The following CNTN6 variants were observed in gnomAD, a reference collection of about 807,000 sequenced individuals.
CNTN6 encodes contactin-6.
In CNTN6, 137 loss-of-function variants were observed where a neutral mutation model predicts 122.8. The ratio of observed to expected loss-of-function variants is 1.12; its 90% CI spans 0.97 to 1.29. The LOEUF (loss-of-function observed/expected upper bound fraction) is 1.29. Among genes scored for constraint, CNTN6 ranks in the 50% most tolerant of loss-of-function variants. The pLI is 0.00. For synonymous variants in CNTN6, 570 were observed against 426.0 expected, an observed-to-expected ratio of 1.34 and a Z score of -4.16; for missense variants, 1,634 against 1,223.4, an observed-to-expected ratio of 1.34 and a Z score of -5.01.
At chr3:1,184,902 T>C (rs2093607562) in intron 2 of CNTN6, among the ~76,000 whole-genome samples, 1 of 152,064 alleles carries the variant, frequency 6.6e-6, no homozygotes, top group South Asian at 2.1e-4. Context: ...TATGAGGATA[T>C]AAAATTAATT....
At chr3:1,155,743 T>A (rs2092947704) in intron 2 of CNTN6, among the ~76,000 whole-genome samples, 2 of 152,186 alleles carry the variant, frequency 1.3e-5, no homozygotes, top group Non-Finnish European at 2.9e-5. Flanking sequence ...TGTATTTTTT[T>A]ATTCCTTTTT....
intron 2 of CNTN6, among the ~76,000 whole-genome samples, chr3:1,159,773 G>C (rs2093079066): frequency 6.6e-6 from 1 of 151,986 alleles, no homozygotes; most frequent in Non-Finnish European, 1.5e-5. Context: ...ATCCCACTTA[G>C]AAATTTAGAG....
intron 4 of CNTN6, among the ~76,000 whole-genome samples, chr3:1,268,379 G>A (rs943068438): frequency 1.3e-5 from 2 of 152,000 alleles, no homozygotes; most frequent in African/African-American, 2.4e-5. Flanking sequence ...AGGCCGAGGC[G>A]GGCGGATCAC....
intron 12 of CNTN6, among the ~76,000 whole-genome samples, chr3:1,356,497 A>G (rs1475454321): frequency 6.6e-6 from 1 of 151,808 alleles, no homozygotes; most frequent in African/African-American, 2.4e-5. Flanking sequence ...AATGCCCAAG[A>G]TATGTAGATA....
chr3:1,276,391 C>T (rs971719132), intron 4 of CNTN6, among the ~76,000 whole-genome samples: 1 of 152,150 alleles, frequency 6.6e-6, no homozygotes. Context: ...ACATGACTTT[C>T]TATGCATGTT....
intron 1 of CNTN6, among the ~76,000 whole-genome samples, chr3:1,100,416 C>T (rs1043061508): frequency 2.0e-5 from 3 of 152,056 alleles, no homozygotes; most frequent in Admixed American, 6.6e-5. Context: ...TTCGTCTTTT[C>T]ACTCGGACAG....
Position 1,214,274 on chromosome 3 carries a change from A to G in CNTN6, c.56-6413A>G, listed in dbSNP as rs192156558. 3.0e-3 allele frequency among the ~76,000 whole-genome samples: 440 copies of G among 144,470 alleles called. 1 individual carries two copies. The highest frequency in any genetic ancestry group is 0.011 in the Middle Eastern group (3 of 268). 94.8% of individuals were successfully genotyped at this position (144,470 alleles called of 152,430 possible). ...TTTATATTAGTTTTTTTAATGTTCA[A>G]ATTGTTCAAATGTGTTTGTTGGATG... On this transcript the variant is annotated intron_variant, in intron 2 of 22. Transcript: ENST00000446702.
intron 7 of CNTN6, among the ~76,000 whole-genome samples, chr3:1,304,190 C>A (rs1392610432): frequency 6.6e-6 from 1 of 152,276 alleles, no homozygotes; most frequent in African/African-American, 2.4e-5. Context: ...CATCTCTACA[C>A]AGAAAATAAG....
intron 11 of CNTN6, among the ~76,000 whole-genome samples, chr3:1,345,461 G>A (rs999799112): frequency 6.6e-6 from 1 of 152,030 alleles, no homozygotes; most frequent in Non-Finnish European, 1.5e-5. Context: ...ATGATGGAAA[G>A]GACAACCTTT....
chr3:1,211,628 C>G (rs1195317910), intron 2 of CNTN6, among the ~76,000 whole-genome samples: 1 of 152,228 alleles, frequency 6.6e-6, no homozygotes, highest in Non-Finnish European at 1.5e-5. Flanking sequence ...CTCATTCTCT[C>G]CATCATTCTG....
At chr3:1,205,928 G>GA (rs1482256323) in intron 2 of CNTN6, among the ~76,000 whole-genome samples, 3 of 152,006 alleles carry the variant, frequency 2.0e-5, no homozygotes, top group Non-Finnish European at 2.9e-5. Context: ...GGAAAAATAG[G>GA]AAAAAAATCA....
At chr3:1,277,104 G>T (rs190160882) in intron 4 of CNTN6, among the ~76,000 whole-genome samples, 2 of 152,228 alleles carry the variant, frequency 1.3e-5, no homozygotes, top group Admixed American at 1.3e-4. Context: ...GGTTAGACAA[G>T]CATGTTTGAT....
intron 4 of CNTN6, among the ~76,000 whole-genome samples, chr3:1,259,491 C>T (rs2094810287): frequency 6.6e-6 from 1 of 151,944 alleles, no homozygotes; most frequent in Admixed American, 6.6e-5. Flanking sequence ...CACTAGATTA[C>T]TATTATTATT....
chr3:1,269,825 A>G (rs938441895), intron 4 of CNTN6, among the ~76,000 whole-genome samples: 1 of 152,190 alleles, frequency 6.6e-6, no homozygotes, highest in Non-Finnish European at 1.5e-5. Context: ...CAGTGAATTC[A>G]TTATATTCCC....
At chr3:1,198,836 T>C (rs934328382) in intron 2 of CNTN6, among the ~76,000 whole-genome samples, 5 of 152,186 alleles carry the variant, frequency 3.3e-5, no homozygotes, top group South Asian at 2.1e-4. Flanking sequence ...TGCGATCTTA[T>C]TTAGAAACAG....
Position 1,132,658 on chromosome 3 carries a change from A to AAAATAAATAAATAAATAAATAAAT in CNTN6, c.-82-15258_-82-15235dup, listed in dbSNP as rs71303111. ...GATAACAGAGGGAAACTCTGTCTAA[A>AAAATAAATAAATAAATAAATAAAT]AAATAAATAAATAAATAAATAAATA... On this transcript the variant is annotated intron_variant, in intron 1 of 22. Transcript: ENST00000446702. Among the ~76,000 whole-genome samples, 220 of 144,500 alleles carry AAAATAAATAAATAAATAAATAAAT rather than the reference A, an allele frequency of 1.5e-3. 2 individuals carry two copies. The highest frequency in any genetic ancestry group is 6.2e-3 in the East Asian group (30 of 4,814). 94.8% of individuals were successfully genotyped at this position (144,500 alleles called of 152,430 possible). A position where few individuals can be genotyped will look rare whatever the true frequency, so the allele number is the denominator to read the frequency against.
intron 1 of CNTN6, among the ~76,000 whole-genome samples, chr3:1,147,108 C>G (rs1308726479): frequency 1.3e-5 from 2 of 152,022 alleles, no homozygotes; most frequent in African/African-American, 2.4e-5. Flanking sequence ...TATCATCACA[C>G]TTAAACTCCA....
rs146642925 is a variant in CNTN6 at position 1,381,849 on chromosome 3, A to G, written c.2167-1093A>G. ...TTCATATGCAAACTCTGTGAGAGGA[A>G]TTGACCAGGTCTGTTAGTCACCGTA... On this transcript the variant is annotated intron_variant, in intron 17 of 22. Coordinates refer to ENST00000446702, the MANE Select transcript of CNTN6 (RefSeq NM_001289080.2). Among the ~76,000 whole-genome samples the G allele has an allele frequency of 1.4e-3, 216 of 152,234 alleles. 1 individual carries two copies. Among genetic ancestry groups the G allele is most frequent in the Non-Finnish European group, 2.2e-3 (153 of 68,004 alleles).
intron 2 of CNTN6, among the ~76,000 whole-genome samples, chr3:1,149,107 T>C (rs533705703): frequency 6.6e-6 from 1 of 152,226 alleles, no homozygotes; most frequent in South Asian, 2.1e-4. Context: ...AATTATACCA[T>C]AAAAAGGCCA....
Sources: gnomAD v4.1 joint callset for allele counts (sites outside exome capture counted in the v4.1 genomes callset) on GRCh38, gnomAD v4.1.1 for gene constraint, MANE v1.5 for transcripts, NCBI Gene and HGNC (gene_info 2026-07-23, HGNC 2026-07-21) for gene names.